WNK3: variants seen among roughly 807,000 people sequenced by gnomAD.
The protein encoded by WNK3 is serine/threonine-protein kinase WNK3.
A neutral mutation model predicts 116.7 loss-of-function variants in WNK3; 18 were observed. The observed-to-expected ratio is 0.15, with a 90% CI of 0.11 to 0.23. The LOEUF (loss-of-function observed/expected upper bound fraction) is 0.23. WNK3 is among the 10% of genes least tolerant of loss of function. The pLI, the probability that WNK3 is intolerant of heterozygous loss-of-function variation, is 1.00. For missense variants in WNK3, 993 were observed against 1,323.8 expected (o/e 0.75, Z 3.88); for synonymous variants, 404 against 469.4 (o/e 0.86, Z 1.80).
chrX:54,259,277 C>G lies in WNK3; in HGVS notation c.2099G>C (p.Arg700Pro), dbSNP rs1018275791. Residue 700 changes from arginine (R) to proline (P), a missense_variant, in exon 11 of 24, where the codon CGA (arginine) becomes CCA (proline). Around this residue, in one of 4 missense-constraint regions of WNK3, gnomAD observed 836 missense variants for 976.5 expected, o/e 0.86. Coordinates refer to ENST00000354646, the Ensembl canonical transcript of WNK3. ...GTATTAATTTGAAGATACTTACCTT[C>G]GAACTAAATCTGGTTTTAGAAGAGC... 2 of 1,186,210 alleles carry G rather than the reference C, an allele frequency of 1.7e-6. No individual in the cohort carries two copies. The highest frequency in any genetic ancestry group is 1.7e-5 in the African/African-American group (1 of 57,201).
intron 5 of WNK3, among the ~76,000 whole-genome samples, chrX:54,305,382 G>A (rs1009735099): frequency 9.0e-6 from 1 of 111,500 alleles, no homozygotes; most frequent in Non-Finnish European, 1.9e-5. Flanking sequence ...CATAGTGGGA[G>A]TACTTATACC....
chrX:54,247,429 A>G (rs1221491223), intron 17 of WNK3, among the ~76,000 whole-genome samples: 2 of 110,774 alleles, frequency 1.8e-5, no homozygotes, highest in Admixed American at 9.7e-5. Context: ...ACTGACATGG[A>G]TAGATACCCA....
intron 2 of WNK3, among the ~76,000 whole-genome samples, chrX:54,318,117 G>T (rs1479299755): frequency 1.8e-5 from 2 of 109,629 alleles, no homozygotes; most frequent in Non-Finnish European, 3.8e-5. Context: ...CCAGCACTTT[G>T]GGAGGTCAAG....
chrX:54,337,262 A>T (rs2069251608), intron 1 of WNK3, among the ~76,000 whole-genome samples: 2 of 111,217 alleles, frequency 1.8e-5, no homozygotes, highest in Non-Finnish European at 3.8e-5. Flanking sequence ...GAACCTATTT[A>T]AAAAAAATAA....
Position 54,299,263 on chromosome X carries a change from C to G in WNK3, c.1179-869G>C, listed in dbSNP as rs943403284. On this transcript the variant is annotated intron_variant, in intron 6 of 23. Coordinates refer to ENST00000354646, the Ensembl canonical transcript of WNK3. Reference sequence around the variant, plus strand: ...ATAAACAGAAAAAGTATATACACAGCATGATATCCTGTAAGTTGAGGATTT... The same window carrying G: ...ATAAACAGAAAAAGTATATACACAGGATGATATCCTGTAAGTTGAGGATTT... 2.7e-5 allele frequency among the ~76,000 whole-genome samples: 3 copies of G among 111,246 alleles called. No homozygotes were observed. In the South Asian group the frequency reaches 1.1e-3, roughly 42 times the overall value.
At chrX:54,256,557 T>G (rs2068194997) in intron 11 of WNK3, among the ~76,000 whole-genome samples, 1 of 112,308 alleles carries the variant, frequency 8.9e-6, no homozygotes, top group Non-Finnish European at 1.9e-5. Context: ...TTCTTTAAAC[T>G]CAAACATATT....
chrX:54,217,107 C>T (rs924749343), intron 22 of WNK3, among the ~76,000 whole-genome samples: 3 of 109,059 alleles, frequency 2.8e-5, no homozygotes, highest in Non-Finnish European at 5.7e-5. Flanking sequence ...ATCACGAGGT[C>T]GGAGATCGAG....
chrX:54,250,539 T>C (rs1461710730), intron 15 of WNK3, among the ~76,000 whole-genome samples: 1 of 112,088 alleles, frequency 8.9e-6, no homozygotes, highest in Non-Finnish European at 1.9e-5. Context: ...GTATGACATT[T>C]TTTAAAATAA....
intron 2 of WNK3, among the ~76,000 whole-genome samples, chrX:54,319,657 T>C (rs1032136405): frequency 2.7e-5 from 3 of 112,254 alleles, no homozygotes; most frequent in Non-Finnish European, 5.6e-5. Context: ...ACTAAAAATG[T>C]AGAGCCAAGA....
chrX:54,329,282 C>T (rs1362499721), intron 2 of WNK3, among the ~76,000 whole-genome samples: 1 of 111,726 alleles, frequency 9.0e-6, no homozygotes, highest in Admixed American at 9.6e-5. Flanking sequence ...GGTCCAGGGA[C>T]CACACTTCGA....
intron 22 of WNK3, among the ~76,000 whole-genome samples, chrX:54,225,723 A>G (rs1296576627): frequency 6.3e-5 from 7 of 110,617 alleles, no homozygotes; most frequent in Non-Finnish European, 5.7e-5. Flanking sequence ...AAAGATAACA[A>G]TACTCCCCAA....
At chrX:54,324,370 C>T (rs1439439708) in intron 2 of WNK3, among the ~76,000 whole-genome samples, 3 of 112,030 alleles carry the variant, frequency 2.7e-5, no homozygotes, top group African/African-American at 9.7e-5. Context: ...CTATTTTCAG[C>T]TTACCACATG....
At chrX:54,216,227 T>C (rs2067693461) in intron 22 of WNK3, among the ~76,000 whole-genome samples, 1 of 108,424 alleles carries the variant, frequency 9.2e-6, no homozygotes. Context: ...CCCTCCACTA[T>C]TGTCCTATGA....
intron 3 of WNK3, among the ~76,000 whole-genome samples, chrX:54,310,617 A>G (rs2068877269): frequency 9.0e-6 from 1 of 111,594 alleles, no homozygotes; most frequent in South Asian, 3.7e-4. Context: ...TTAATTCTAA[A>G]ATTCTATAAT....
chrX:54,315,832 C>T (rs901154430), intron 2 of WNK3, among the ~76,000 whole-genome samples: 1 of 111,430 alleles, frequency 9.0e-6, no homozygotes, highest in Admixed American at 9.6e-5. Flanking sequence ...TTATGTAGTC[C>T]CATGAGTGAT....
In WNK3 at chrX:54,236,296, T is replaced by G. The variant is rs782527172; in HGVS notation, c.4628+642A>C. ...GGCTAAGTTTTGTATTTTTTTTTTT[T>G]TTTTTAAATACAGACAAAGTTTCAC... is the stretch of plus-strand genomic sequence containing the variant. On this transcript the variant is annotated intron_variant, in intron 20 of 23. Coordinates refer to ENST00000354646, the Ensembl canonical transcript of WNK3. 9.3e-5 allele frequency among the ~76,000 whole-genome samples: 10 copies of G among 107,895 alleles called. No homozygotes were observed. In the East Asian group the frequency reaches 2.9e-3, roughly 31 times the overall value. 93.7% of individuals were successfully genotyped at this position (107,895 alleles called of 115,157 possible).
chrX:54,317,400 C>T (rs1320048019), intron 2 of WNK3, among the ~76,000 whole-genome samples: 3 of 110,219 alleles, frequency 2.7e-5, no homozygotes, highest in Admixed American at 9.8e-5. Context: ...CCTTGTGATC[C>T]GCCCACCTCG....
rs190143905 is a variant in WNK3 at position 54,213,447 on chromosome X, G to A, written c.4871-11254C>T. Reference sequence around the variant, plus strand: ...TGGGCGCCTGTAATCTCTGCTACTCGGGAGGCTGAGGCAGGAGAATCGCTT... The same window carrying A: ...TGGGCGCCTGTAATCTCTGCTACTCAGGAGGCTGAGGCAGGAGAATCGCTT... On this transcript the variant is annotated intron_variant, in intron 22 of 23. Coordinates refer to ENST00000354646, the Ensembl canonical transcript of WNK3. Among the ~76,000 whole-genome samples the A allele has an allele frequency of 2.8e-4, 30 of 105,805 alleles. No individual in the cohort carries two copies. The East Asian group carries it at 7.6e-3, about 27-fold the overall frequency. The allele number at this position is 105,805 out of a possible 115,157, so 91.9% of individuals were successfully genotyped here.
intron 2 of WNK3, among the ~76,000 whole-genome samples, chrX:54,319,883 T>C (rs1455054298): frequency 8.9e-6 from 1 of 111,935 alleles, no homozygotes; most frequent in Non-Finnish European, 1.9e-5. Context: ...AAGAAAGGAA[T>C]GATGAGCCAC....
Sources: allele counts gnomAD v4.1 joint callset (sites outside exome capture counted in the v4.1 genomes callset), GRCh38; gene constraint gnomAD v4.1.1; regional missense constraint gnomAD v4.1.1; transcripts MANE v1.5; gene names NCBI Gene and HGNC (gene_info 2026-07-23, HGNC 2026-07-21).